Variants in APP observed in about 807,000 individuals in gnomAD.
APP encodes the protein amyloid-beta precursor protein.
Under a neutral mutation model 101.4 loss-of-function variants are expected in APP, and 31 were observed. The ratio of observed to expected loss-of-function variants is 0.31; its 90% CI spans 0.23 to 0.41. The LOEUF (loss-of-function observed/expected upper bound fraction) is 0.41, where lower values mean the gene tolerates loss of function less well. Among genes scored for constraint, APP ranks in the 10% least tolerant of loss-of-function variants. The pLI, the probability that APP is intolerant of heterozygous loss-of-function variation, is 1.00. For synonymous variants in APP, 366 were observed against 364.4 expected (o/e 1.00, Z -0.05); for missense variants, 839 against 1,003.7 (o/e 0.84, Z 2.22).
At chr21:25,971,454 AGGTCAT>A (rs2042030310) in intron 11 of APP, among the ~76,000 whole-genome samples, 2 of 152,218 alleles carry the variant, frequency 1.3e-5, no homozygotes, top group South Asian at 4.1e-4. Context: ...CTGAATTTCC[AGGTCAT>A]GGTTTCAGGT....
chr21:25,973,365 T>C (rs1386893237), intron 11 of APP, among the ~76,000 whole-genome samples: 1 of 151,972 alleles, frequency 6.6e-6, no homozygotes, highest in Non-Finnish European at 1.5e-5. Flanking sequence ...ACAAGGTCAA[T>C]AAGAGTATAA....
intron 7 of APP, among the ~76,000 whole-genome samples, chr21:25,998,940 T>A (rs955781498): frequency 1.3e-5 from 2 of 152,210 alleles, no homozygotes; most frequent in Non-Finnish European, 2.9e-5. Flanking sequence ...CATCATGACT[T>A]CATATTTTTA....
At chr21:25,967,910 T>C (rs2041856493) in intron 11 of APP, among the ~76,000 whole-genome samples, 2 of 152,222 alleles carry the variant, frequency 1.3e-5, no homozygotes, top group Non-Finnish European at 2.9e-5. Context: ...GTTAACCTCC[T>C]GTGCTGCAGT....
intron 5 of APP, among the ~76,000 whole-genome samples, chr21:26,034,882 G>C (rs761582022): frequency 6.6e-6 from 1 of 152,016 alleles, no homozygotes; most frequent in Non-Finnish European, 1.5e-5. Context: ...TTCTATGGGG[G>C]GAGAGAACGA....
intron 13 of APP, chr21:25,941,319 G>T (rs1328964687): frequency 6.6e-6 from 1 of 152,102 alleles, no homozygotes. Context: ...TTATTTTGAG[G>T]ATCAAGTGAA....
rs869179482 is a variant in APP at position 26,084,227 on chromosome 21, A to ATTTTTT, written c.355+5710_355+5715dup. On this transcript the variant is annotated intron_variant, in intron 3 of 17. Transcript: ENST00000346798. The stretch of plus-strand genomic sequence containing the variant: ...AGGATGACCTACCTAGAAGGGCTCC[A>ATTTTTT]TTTTTTTTTTTTTTTTTTTTTTTTT... Among the ~76,000 whole-genome samples, 50 of 83,056 alleles carry ATTTTTT rather than the reference A, an allele frequency of 6.0e-4. 2 individuals are homozygous for ATTTTTT. The highest frequency in any genetic ancestry group is 1.8e-3 in the Admixed American group (11 of 5,988). 54.5% of individuals were successfully genotyped at this position (83,056 alleles called of 152,430 possible).
At chr21:25,974,480 A>G (rs190394875) in intron 11 of APP, among the ~76,000 whole-genome samples, 1 of 152,294 alleles carries the variant, frequency 6.6e-6, no homozygotes, top group Non-Finnish European at 1.5e-5. Flanking sequence ...GGGCCCAGAG[A>G]GCTCTCTTGC....
At chr21:25,997,021 C>T (rs965400557) in intron 8 of APP, among the ~76,000 whole-genome samples, 2 of 152,210 alleles carry the variant, frequency 1.3e-5, no homozygotes, top group Non-Finnish European at 2.9e-5. Flanking sequence ...GAGGCTAAGC[C>T]TGCTCTCAGT....
At chr21:25,955,779 CT>C in intron 11 of APP, 24 bp from the exon 12 acceptor site, 1 of 1,613,922 alleles carries the variant, frequency 6.2e-7, no homozygotes, top group Non-Finnish European at 8.5e-7. Flanking sequence ...ATGAAAAACT[CT>C]TTTTCAAGTT....
chr21:25,945,178 C>T (rs571261995), intron 13 of APP, among the ~76,000 whole-genome samples: 1 of 152,134 alleles, frequency 6.6e-6, no homozygotes. Context: ...TGGAATCTCA[C>T]CAAAATTTGG....
intron 11 of APP, among the ~76,000 whole-genome samples, chr21:25,968,859 G>A (rs895900135): frequency 6.6e-6 from 1 of 152,092 alleles, no homozygotes; most frequent in Non-Finnish European, 1.5e-5. Flanking sequence ...CAGAATCTAT[G>A]GAAACGACAC....
chr21:25,900,301 G>A (rs1211434186), intron 15 of APP, among the ~76,000 whole-genome samples: 1 of 142,774 alleles, frequency 7.0e-6, no homozygotes, highest in East Asian at 2.1e-4. Context: ...GGGAGGCCAA[G>A]CTGGGTGGAT....
rs142757183 is a variant in APP at position 25,905,160 on chromosome 21, G to C, written c.1910-83C>G. The C allele has an allele frequency of 2.1e-5, 25 of 1,193,406 alleles. No individual in the cohort carries two copies. In the East Asian group the frequency reaches 6.0e-4, roughly 29 times the overall value. The allele number at this position is 1,193,406 out of a possible 1,614,324, so 73.9% of individuals were successfully genotyped here. ...CGTGGCTCCCAAACATAGTCGAGCA[G>C]GGAAAAAAGCATATGCAATAAACAA... On this transcript the variant is annotated intron_variant, in intron 14 of 17. Coordinates refer to ENST00000346798, the MANE Select transcript of APP (RefSeq NM_000484.4).
chr21:25,971,877 G>A (rs916604796), intron 11 of APP, among the ~76,000 whole-genome samples: 1 of 152,146 alleles, frequency 6.6e-6, no homozygotes, highest in Admixed American at 6.5e-5. Context: ...AAAATGCAAA[G>A]CTCAAAAGGA....
intron 9 of APP, among the ~76,000 whole-genome samples, chr21:25,977,721 G>C (rs1040794336): frequency 6.6e-6 from 1 of 152,250 alleles, no homozygotes; most frequent in Middle Eastern, 3.4e-3. Flanking sequence ...ATAATCTCAA[G>C]GTTCACAGCA....
chr21:25,922,935 C>T (rs1236388886), intron 13 of APP, among the ~76,000 whole-genome samples: 1 of 144,198 alleles, frequency 6.9e-6, no homozygotes, highest in Admixed American at 7.0e-5. Flanking sequence ...AATCCTAAGC[C>T]AAAAGAACGA....
intron 3 of APP, among the ~76,000 whole-genome samples, chr21:26,077,582 G>A (rs968306030): frequency 1.3e-5 from 2 of 152,160 alleles, no homozygotes; most frequent in Admixed American, 6.5e-5. Flanking sequence ...AGCATGCTAA[G>A]TACAGGAAAA....
intron 6 of APP, among the ~76,000 whole-genome samples, chr21:26,016,322 A>G (rs539688361): frequency 3.3e-5 from 5 of 152,234 alleles, no homozygotes; most frequent in Admixed American, 6.5e-5. Flanking sequence ...CGTGAGCCAC[A>G]GCGCCAGCCT....
At chr21:26,081,040 A>T (rs1385965254) in intron 3 of APP, among the ~76,000 whole-genome samples, 4 of 152,218 alleles carry the variant, frequency 2.6e-5, no homozygotes, top group Non-Finnish European at 2.9e-5. Context: ...TTAATAGATT[A>T]TATGTTACAT....
Sources: gnomAD v4.1 joint callset for allele counts (sites outside exome capture counted in the v4.1 genomes callset) on GRCh38, gnomAD v4.1.1 for gene constraint, MANE v1.5 for transcripts, NCBI Gene and HGNC (gene_info 2026-07-23, HGNC 2026-07-21) for gene names.